FAM184B: variants seen among roughly 807,000 people sequenced by gnomAD.
FAM184B encodes family with sequence similarity 184 member B.
In FAM184B, 111 loss-of-function variants were observed where a neutral mutation model predicts 135.9. The observed-to-expected ratio is 0.82, with a 90% CI of 0.70 to 0.96. The LOEUF (loss-of-function observed/expected upper bound fraction) is 0.96, where lower values mean the gene tolerates loss of function less well. Among genes scored for constraint, FAM184B ranks in the 40% least tolerant of loss-of-function variants. The pLI is 0.00. For synonymous variants in FAM184B, 552 were observed against 524.8 expected (o/e 1.05, Z -0.71); for missense variants, 1,375 against 1,323.9 (o/e 1.04, Z -0.60).
chr4:17,744,355 C>T (rs1718109558), intron 1 of FAM184B, among the ~76,000 whole-genome samples: 1 of 151,952 alleles, frequency 6.6e-6, no homozygotes, highest in African/African-American at 2.4e-5. Context: ...AGCACATTGA[C>T]CCATCTGGGG....
At chr4:17,747,044 CAAAA>C (rs11342758) in intron 1 of FAM184B, among the ~76,000 whole-genome samples, 4 of 98,498 alleles carry the variant, frequency 4.1e-5, no homozygotes, top group Non-Finnish European at 4.0e-5. Flanking sequence ...GACTCCATCT[CAAAA>C]AAAAAAAAAA....
chr4:17,702,675 C>A lies in FAM184B; in HGVS notation c.1377+2325G>T, dbSNP rs150665954. On this transcript the variant is annotated intron_variant, in intron 5 of 17. Transcript: ENST00000265018. ...CTTGGAAACGAACAAAATGTAAAAC[C>A]AAAAAAACAAGTAAGTGCAACTTAT... is the stretch of plus-strand genomic sequence containing the variant. Among the ~76,000 whole-genome samples, 914 of 152,094 alleles carry A rather than the reference C, an allele frequency of 6.0e-3. 7 individuals carry two copies. The highest frequency in any genetic ancestry group is 0.01 in the Middle Eastern group (3 of 294).
At chr4:17,648,575 A>G (rs1314084898) in intron 11 of FAM184B, among the ~76,000 whole-genome samples, 2 of 151,724 alleles carry the variant, frequency 1.3e-5, no homozygotes, top group Non-Finnish European at 2.9e-5. Flanking sequence ...GCTGGTCTCG[A>G]ACTCCTGACC....
intron 1 of FAM184B, among the ~76,000 whole-genome samples, chr4:17,757,511 T>C (rs1189150670): frequency 6.6e-6 from 1 of 152,176 alleles, no homozygotes; most frequent in Non-Finnish European, 1.5e-5. Context: ...AGTGTGATAA[T>C]GGCATTGTGG....
At chr4:17,747,814 G>A (rs985255036) in intron 1 of FAM184B, among the ~76,000 whole-genome samples, 5 of 150,958 alleles carry the variant, frequency 3.3e-5, no homozygotes, top group Non-Finnish European at 7.4e-5. Context: ...CCAGCTACTC[G>A]GGAGGCTGAG....
chr4:17,641,843 TCC>T (rs1715326553), intron 13 of FAM184B, among the ~76,000 whole-genome samples: 1 of 151,832 alleles, frequency 6.6e-6, no homozygotes, highest in Admixed American at 6.6e-5. Context: ...GGTTTTGAGA[TCC>T]AGAATTTCTG....
chr4:17,679,633 A>G (rs1716390874), intron 7 of FAM184B, among the ~76,000 whole-genome samples: 1 of 152,170 alleles, frequency 6.6e-6, no homozygotes, highest in African/African-American at 2.4e-5. Context: ...GAATCTCCAT[A>G]TTGTTTTCTA....
At chr4:17,648,651 GGCCAATATCCTCTTAA>G (rs1192076185) in intron 11 of FAM184B, among the ~76,000 whole-genome samples, 1 of 152,022 alleles carries the variant, frequency 6.6e-6, no homozygotes, top group African/African-American at 2.4e-5. Context: ...CACAGTACCC[GGCCAATATCCTCTTAA>G]GACAAAATGT....
intron 1 of FAM184B, among the ~76,000 whole-genome samples, chr4:17,765,860 G>T (rs555940506): frequency 4.4e-4 from 67 of 152,250 alleles, no homozygotes; most frequent in African/African-American, 1.6e-3. Flanking sequence ...CTTCTGGAGA[G>T]TTCGGGGTCT....
In FAM184B at chr4:17,631,008, T is replaced by C. The variant is rs1714919938; in HGVS notation, c.*1524A>G. On this transcript the variant is annotated 3_prime_UTR_variant, in exon 18 of 18. Transcript: ENST00000265018. ...CAGCACCAAAGACTGAAAAAATATT[T>C]TGCCCCCTAAAAGTTGTTATTGAGT... is the stretch of plus-strand genomic sequence containing the variant. The C allele has an allele frequency of 6.6e-6, 1 of 152,190 alleles. No individual in the cohort carries two copies. Among genetic ancestry groups the C allele is most frequent in the Non-Finnish European group, 1.5e-5 (1 of 68,038 alleles). The allele number at this position is 152,190 out of a possible 1,614,324, so 9.4% of individuals were successfully genotyped here.
At chr4:17,750,845 C>A (rs1718274050) in intron 1 of FAM184B, among the ~76,000 whole-genome samples, 1 of 152,116 alleles carries the variant, frequency 6.6e-6, no homozygotes, top group Admixed American at 6.5e-5. Context: ...CCTGCCTAGA[C>A]CCAGGGAATG....
intron 7 of FAM184B, among the ~76,000 whole-genome samples, chr4:17,687,156 C>T (rs112864861): frequency 3.9e-5 from 6 of 152,180 alleles, no homozygotes; most frequent in African/African-American, 1.4e-4. Flanking sequence ...AGATGGGGGT[C>T]ATGGGAGAGA....
At chr4:17,663,415 A>G (rs1264156015) in intron 8 of FAM184B, among the ~76,000 whole-genome samples, 1 of 152,198 alleles carries the variant, frequency 6.6e-6, no homozygotes, top group Non-Finnish European at 1.5e-5. Flanking sequence ...GAAGAAAGGA[A>G]GTCAAACTAT....
rs778719188 is a variant in FAM184B at position 17,767,001 on chromosome 4, G to A, written c.141+14158C>T. Among the ~76,000 whole-genome samples the A allele has an allele frequency of 3.6e-4, 55 of 152,324 alleles. 1 individual carries two copies. Among genetic ancestry groups the A allele is most frequent in the Non-Finnish European group, 6.6e-4 (45 of 68,010 alleles). On this transcript the variant is annotated intron_variant, in intron 1 of 17. Coordinates refer to ENST00000265018, the MANE Select transcript of FAM184B (RefSeq NM_015688.2). ...GAGAATTCCAGCGCAGCGCCAGCGG[G>A]CCAGCACTGCTGGGGGATCTGGTGC...
At chr4:17,719,017 G>A (rs1717460271) in intron 1 of FAM184B, among the ~76,000 whole-genome samples, 1 of 152,166 alleles carries the variant, frequency 6.6e-6, no homozygotes, top group Non-Finnish European at 1.5e-5. Context: ...CTGAAAGCTT[G>A]GCTGGTACAA....
chr4:17,641,428 C>A (rs1715306866), intron 13 of FAM184B, among the ~76,000 whole-genome samples: 1 of 146,800 alleles, frequency 6.8e-6, no homozygotes, highest in Non-Finnish European at 1.5e-5. Flanking sequence ...CTCATAAATG[C>A]CCTGATTTGC....
At chr4:17,693,583 C>G (rs3733581) in intron 5 of FAM184B, among the ~76,000 whole-genome samples, 171 bp from the exon 6 acceptor site, 49,573 of 152,012 alleles carry the variant, frequency 0.33, 8,664 homozygotes, top group South Asian at 0.4. Context: ...CACGTGTTAA[C>G]GTCACAACAC....
chr4:17,734,868 A>G (rs1341316283), intron 1 of FAM184B, among the ~76,000 whole-genome samples: 8 of 152,178 alleles, frequency 5.3e-5, no homozygotes, highest in East Asian at 1.9e-4. Flanking sequence ...GCTGCTATAA[A>G]GACACATGCA....
intron 11 of FAM184B, among the ~76,000 whole-genome samples, chr4:17,652,146 T>TTTTTTTTTTTTTTTTTTTTTTTG: frequency 7.6e-6 from 1 of 131,926 alleles, no homozygotes; most frequent in South Asian, 2.4e-4. Flanking sequence ...TTTTTTTTTT[T>TTTTTTTTTTTTTTTTTTTTTTTG]TTGAGTCTTG....
Sources: gnomAD v4.1 joint callset for allele counts (sites outside exome capture counted in the v4.1 genomes callset) on GRCh38, gnomAD v4.1.1 for gene constraint, MANE v1.5 for transcripts, NCBI Gene and HGNC (gene_info 2026-07-23, HGNC 2026-07-21) for gene names.